EFNA2: variants seen among roughly 807,000 people sequenced by gnomAD.
EFNA2 encodes ephrin-A2.
Under a neutral mutation model 19.7 loss-of-function variants are expected in EFNA2, and 18 were observed. That is an observed-to-expected ratio of 0.91 (90% CI 0.63 to 1.35). EFNA2 has a LOEUF of 1.35. Ranked by LOEUF, EFNA2 falls within the 40% of genes most tolerant of loss-of-function variation. The pLI is 0.00. For missense variants in EFNA2, 303 were observed against 296.0 expected (o/e 1.02, Z -0.17); for synonymous variants, 187 against 137.8 (o/e 1.36, Z -2.50).
In EFNA2 at chr19:1,295,717, C is replaced by G; in HGVS notation, c.313C>G (p.Arg105Gly). 2 of 1,608,672 alleles carry G rather than the reference C, an allele frequency of 1.2e-6. No homozygotes were observed. The highest frequency in any genetic ancestry group is 1.7e-6 in the Non-Finnish European group (2 of 1,178,004). The change falls in exon 2 of 4, where the codon CGC (arginine) becomes GGC (glycine). Residue 105 changes from arginine (R) to glycine (G), a missense_variant. Transcript: ENST00000215368. The surrounding 1 kb of genome is among the most constrained non-coding windows in gnomAD (Gnocchi z 5.8). ...CGAGGGCCACGCCTCCTGCGACCAC[C>G]GCCAGCGCGGCTTCAAGCGCTGGGA... ...NGEGHASCDH[R>G]QRGFKRWECN...
chr19:1,288,242 G>T (rs949536762), intron 1 of EFNA2, among the ~76,000 whole-genome samples: 4 of 152,374 alleles, frequency 2.6e-5, no homozygotes, highest in Admixed American at 6.5e-5. Flanking sequence ...GGGCTTTGTC[G>T]CGGACATCAG....
chr19:1,290,413 T>G (rs574653721), intron 1 of EFNA2, among the ~76,000 whole-genome samples: 26 of 152,268 alleles, frequency 1.7e-4, no homozygotes, highest in African/African-American at 6.3e-4. Context: ...AGAGGTTCCG[T>G]GGCGGGGGGC....
Position 1,288,023 on chromosome 19 carries a change from C to T in EFNA2, c.140+1715C>T, listed in dbSNP as rs533861264. Among the ~76,000 whole-genome samples, 460 of 152,368 alleles carry T rather than the reference C, an allele frequency of 3.0e-3. 2 individuals are homozygous for T. The highest frequency in any genetic ancestry group is 0.01 in the Middle Eastern group (3 of 294). On this transcript the variant is annotated intron_variant, in intron 1 of 3. Transcript: ENST00000215368. ...TTGGCCCAGCCACCTCCTGTTGCTC[C>T]GGGTCTGACCTGGTTGCCCAGCTCA...
At position 1,300,093 on chromosome 19, in the gene EFNA2, G is replaced by A. The variant is rs1268544325; in HGVS notation, c.*148G>A. 1 of 1,204,728 alleles carries A rather than the reference G, an allele frequency of 8.3e-7. No homozygotes were observed. Among genetic ancestry groups the A allele is most frequent in the Non-Finnish European group, 1.1e-6 (1 of 900,304 alleles). 74.6% of individuals were successfully genotyped at this position (1,204,728 alleles called of 1,614,324 possible). On this transcript the variant is annotated 3_prime_UTR_variant, in exon 4 of 4. Coordinates refer to ENST00000215368, the MANE Select transcript of EFNA2 (RefSeq NM_001405.4). ...GCCTGGTGCCGCCCCCGCCGGGCAG[G>A]GGCCATCCACCCGCCCCAGGACCAG...
rs945975508 is a variant in EFNA2 at position 1,297,332 on chromosome 19, C to T, written c.455-1219C>T. 1.3e-5 allele frequency among the ~76,000 whole-genome samples: 2 copies of T among 152,044 alleles called. No individual in the cohort carries two copies. The highest frequency in any genetic ancestry group is 2.4e-5 in the African/African-American group (1 of 41,368). On this transcript the variant is annotated intron_variant, in intron 2 of 3. Transcript: ENST00000215368. This position sits in a 1 kb window ranked among gnomAD's most constrained non-coding sequence, Gnocchi z 5.0. ...ATTCAGGGAAGAAGCGGGTGGGGGA[C>T]GGGGGAAGGTGTTTAAATTAAGTCC...
In EFNA2 at chr19:1,286,084, T is replaced by TCGGCGG. The variant is rs1051783963; in HGVS notation, c.-69_-64dup. On this transcript the variant is annotated 5_prime_UTR_variant, in exon 1 of 4. Transcript: ENST00000215368. The surrounding 1 kb of genome is among the most constrained non-coding windows in gnomAD (Gnocchi z 5.6). ...TCCCGCCCGCCCTCCGCCCGCCCGC[T>TCGGCGG]CGGCGGCGGCGGCGGCGGCGGAGGA... 1.2e-3 allele frequency: 429 copies of TCGGCGG among 347,154 alleles called. 3 individuals are homozygous for TCGGCGG. The highest frequency in any genetic ancestry group is 8.9e-3 in the African/African-American group (386 of 43,130). 21.5% of individuals were successfully genotyped at this position (347,154 alleles called of 1,614,324 possible).
Position 1,300,004 on chromosome 19 carries a change from C to G in EFNA2, c.*59C>G. 3 of 1,534,550 alleles carry G rather than the reference C, an allele frequency of 2.0e-6. No homozygotes were observed. Among genetic ancestry groups the G allele is most frequent in the South Asian group, 1.2e-5 (1 of 83,528 alleles). On this transcript the variant is annotated 3_prime_UTR_variant, in exon 4 of 4. Coordinates refer to ENST00000215368, the MANE Select transcript of EFNA2 (RefSeq NM_001405.4). ...CGGCCCCGCCTGGACCGCCTGACCT[C>G]GGCCCTCCGGACCCGGCTGCGGCCC...
At chr19:1,290,902 T>G (rs1200617247) in intron 1 of EFNA2, among the ~76,000 whole-genome samples, 3 of 152,206 alleles carry the variant, frequency 2.0e-5, no homozygotes, top group African/African-American at 7.2e-5. Flanking sequence ...GAGTCGGTCC[T>G]GGTGGGGGGC....
chr19:1,293,950 C>G (rs1176402654), intron 1 of EFNA2, among the ~76,000 whole-genome samples: 1 of 152,368 alleles, frequency 6.6e-6, no homozygotes, highest in East Asian at 1.9e-4. Context: ...CCACCACCCT[C>G]TCTCTCGAGC....
At chr19:1,299,058 C>T (rs1233118051) in intron 3 of EFNA2, among the ~76,000 whole-genome samples, 3 of 151,986 alleles carry the variant, frequency 2.0e-5, no homozygotes, top group South Asian at 2.1e-4. Flanking sequence ...GTTAACATGG[C>T]GAAACCCCAT....
intron 1 of EFNA2, among the ~76,000 whole-genome samples, chr19:1,288,173 C>A (rs539569407): frequency 6.6e-6 from 1 of 152,254 alleles, no homozygotes; most frequent in Non-Finnish European, 1.5e-5. Flanking sequence ...CGACACCCTG[C>A]AGTGGGGCCC....
intron 2 of EFNA2, 63 bp from the exon 3 acceptor site, chr19:1,298,488 G>A (rs2081525817): frequency 2.6e-6 from 4 of 1,564,144 alleles, no homozygotes; most frequent in South Asian, 1.1e-5. Context: ...AGGGAGTACA[G>A]CCCCAGGAGG....
chr19:1,298,752 G>A (rs1015373947), intron 3 of EFNA2, 136 bp downstream of exon 3: 20 of 914,636 alleles, frequency 2.2e-5, no homozygotes, highest in South Asian at 1.3e-4. Flanking sequence ...CCCCAGCCTC[G>A]ATTTCCCCGT....
At chr19:1,284,666 C>T (rs1046943405), upstream of EFNA2, among the ~76,000 whole-genome samples, 30 of 152,156 alleles carry the variant, frequency 2.0e-4, no homozygotes, top group African/African-American at 7.2e-4. This position sits in a 1 kb window ranked among gnomAD's most constrained non-coding sequence, Gnocchi z 5.3. Flanking sequence ...GTGGTGGGTC[C>T]GGTCCCCACC....
chr19:1,293,172 G>T (rs1003619562), intron 1 of EFNA2, among the ~76,000 whole-genome samples: 21 of 152,224 alleles, frequency 1.4e-4, no homozygotes, highest in Non-Finnish European at 8.8e-5. Context: ...GGCCTCCCCT[G>T]CAGGGTGACC....
intron 1 of EFNA2, among the ~76,000 whole-genome samples, chr19:1,290,510 C>T (rs889732755): frequency 1.3e-5 from 2 of 152,120 alleles, no homozygotes; most frequent in African/African-American, 4.8e-5. Context: ...GTGGGTCCCT[C>T]GGGGTCACGG....
Position 1,295,905 on chromosome 19 carries a change from C to T in EFNA2, c.454+47C>T, listed in dbSNP as rs747782759. The T allele has an allele frequency of 5.3e-6, 6 of 1,140,138 alleles. No individual in the cohort carries two copies. Among genetic ancestry groups the T allele is most frequent in the Non-Finnish European group, 6.9e-6 (6 of 872,602 alleles). 70.6% of individuals were successfully genotyped at this position (1,140,138 alleles called of 1,614,324 possible). A position where few individuals can be genotyped will look rare whatever the true frequency, so the allele number is the denominator to read the frequency against. ...CTGCCGGGGCCCGAGTGGGCGGGGA[C>T]GCGGGGGCGGGGCCAGGAAGTGGGC... On this transcript the variant is annotated intron_variant, in intron 2 of 3. Transcript: ENST00000215368. The surrounding 1 kb of genome is among the most constrained non-coding windows in gnomAD (Gnocchi z 5.8).
intron 3 of EFNA2, 57 bp downstream of exon 3, chr19:1,298,673 A>C (rs749120345): frequency 6.0e-5 from 95 of 1,588,704 alleles, no homozygotes; most frequent in Non-Finnish European, 8.0e-5. Context: ...TCCTAAACCC[A>C]CAGAACCAGT....
chr19:1,298,818 G>A (rs1430255002), intron 3 of EFNA2, among the ~76,000 whole-genome samples: 4 of 152,198 alleles, frequency 2.6e-5, no homozygotes, highest in Non-Finnish European at 5.9e-5. Flanking sequence ...AGTGGCTCAC[G>A]CCTATAATCC....
Sources: allele counts gnomAD v4.1 joint callset (sites outside exome capture counted in the v4.1 genomes callset), GRCh38; gene constraint gnomAD v4.1.1; non-coding constraint Gnocchi (gnomAD v3.1); transcripts MANE v1.5; gene names NCBI Gene and HGNC (gene_info 2026-07-23, HGNC 2026-07-21).